Variants in TMEM132D observed in about 807,000 individuals in gnomAD.
TMEM132D encodes the protein mature OL transmembrane protein.
A neutral mutation model predicts 62.3 loss-of-function variants in TMEM132D; 21 were observed. The ratio of observed to expected loss-of-function variants is 0.34; its 90% CI spans 0.24 to 0.49. TMEM132D has a LOEUF of 0.49. Among genes scored for constraint, TMEM132D ranks in the 20% least tolerant of loss-of-function variants. The probability of loss-of-function intolerance (pLI) is 0.99; values close to 1 mark genes in which losing one functional copy is unlikely to be tolerated. For missense variants in TMEM132D, 1,346 were observed against 1,402.8 expected (o/e 0.96, Z 0.65); for synonymous variants, 621 against 575.6 (o/e 1.08, Z -1.13).
chr12:129,841,991 C>T (rs1174060143), intron 1 of TMEM132D, among the ~76,000 whole-genome samples: 3 of 146,950 alleles, frequency 2.0e-5, no homozygotes, highest in East Asian at 2.0e-4. Flanking sequence ...AGTACAGTGG[C>T]GCGATCTCGG....
chr12:129,154,189 G>A (rs1872714), intron 5 of TMEM132D, among the ~76,000 whole-genome samples: 92,350 of 151,888 alleles, frequency 0.61, 28,654 homozygotes, highest in Non-Finnish European at 0.67. Flanking sequence ...GTGAGGTGGT[G>A]CATTTGTGGG....
chr12:129,708,610 TA>T (rs147351316), intron 1 of TMEM132D, among the ~76,000 whole-genome samples: 1,099 of 33,084 alleles, frequency 0.033, 72 homozygotes, highest in African/African-American at 0.14. Context: ...GAGGCTCAGG[TA>T]AAAAAAAAAA....
At chr12:129,161,745 G>T (rs942822089) in intron 5 of TMEM132D, among the ~76,000 whole-genome samples, 3 of 152,256 alleles carry the variant, frequency 2.0e-5, no homozygotes, top group African/African-American at 7.2e-5. Flanking sequence ...ATTTTGCCAT[G>T]TCAGAATTGC....
At chr12:129,192,258 TAGA>T (rs1751634549) in intron 5 of TMEM132D, among the ~76,000 whole-genome samples, 1 of 152,196 alleles carries the variant, frequency 6.6e-6, no homozygotes, top group South Asian at 2.1e-4. Flanking sequence ...AGAATCCAAA[TAGA>T]AGTTCTCATT....
chr12:129,421,006 G>A (rs1376069759), intron 3 of TMEM132D, among the ~76,000 whole-genome samples: 3 of 144,858 alleles, frequency 2.1e-5, no homozygotes, highest in Non-Finnish European at 4.5e-5. Context: ...CTGTTACCCA[G>A]GCTGGAGTGC....
In TMEM132D at chr12:129,082,402, C is replaced by A. The variant is rs75489651; in HGVS notation, c.1650-370G>T. Among the ~76,000 whole-genome samples the A allele has an allele frequency of 6.7e-3, 1,022 of 152,308 alleles. 4 individuals carry two copies. Among genetic ancestry groups the A allele is most frequent in the African/African-American group, 0.023 (955 of 41,566 alleles). On this transcript the variant is annotated intron_variant, in intron 6 of 8. Coordinates refer to ENST00000422113, the MANE Select transcript of TMEM132D (RefSeq NM_133448.3). ...ACTTTCCTGGCTAGACTTGAAAAGC[C>A]TGTGACTTCTGTCTTGCTTGTGTTT...
At chr12:129,633,564 A>G (rs1257585283) in intron 2 of TMEM132D, among the ~76,000 whole-genome samples, 2 of 152,128 alleles carry the variant, frequency 1.3e-5, no homozygotes, top group East Asian at 3.9e-4. Context: ...CAAGGGGACC[A>G]TGATTCACAC....
At chr12:129,349,445 G>A (rs1215440334) in intron 3 of TMEM132D, among the ~76,000 whole-genome samples, 1 of 152,180 alleles carries the variant, frequency 6.6e-6, no homozygotes, top group Admixed American at 6.5e-5. Flanking sequence ...TTAATACCAG[G>A]TGCTAATCAG....
Position 129,847,569 on chromosome 12 carries a change from A to C in TMEM132D, c.79+55692T>G, listed in dbSNP as rs749677862. ...AAAATCAGCAGAGGCATCAGCTCAA[A>C]AGGCATTTCCGAATATTAGGAACAC... On this transcript the variant is annotated intron_variant, in intron 1 of 8. Transcript: ENST00000422113. 6.0e-4 allele frequency among the ~76,000 whole-genome samples: 91 copies of C among 152,124 alleles called. 1 individual carries two copies. The highest frequency in any genetic ancestry group is 1.1e-3 in the Non-Finnish European group (77 of 68,022).
intron 5 of TMEM132D, chr12:129,169,993 G>T (rs1877675823): frequency 6.6e-6 from 1 of 152,188 alleles, no homozygotes; most frequent in Non-Finnish European, 1.5e-5. Context: ...TTTAGCACCT[G>T]CAATCCTCAC....
At chr12:129,276,742 T>A (rs1286610122) in intron 4 of TMEM132D, among the ~76,000 whole-genome samples, 1 of 152,194 alleles carries the variant, frequency 6.6e-6, no homozygotes, top group African/African-American at 2.4e-5. Context: ...AATAACAGGA[T>A]CCTTGCCTCC....
chr12:129,101,413 C>T (rs115035184), intron 5 of TMEM132D, among the ~76,000 whole-genome samples: 1,915 of 152,268 alleles, frequency 0.013, 41 homozygotes, highest in African/African-American at 0.043. Context: ...TCAGTGGTCT[C>T]CAGTTACTGG....
intron 4 of TMEM132D, among the ~76,000 whole-genome samples, chr12:129,232,025 T>C (rs1229075242): frequency 6.6e-6 from 1 of 152,154 alleles, no homozygotes; most frequent in African/African-American, 2.4e-5. Flanking sequence ...TAATTCTCAC[T>C]CAGTGGTTCT....
intron 3 of TMEM132D, among the ~76,000 whole-genome samples, chr12:129,341,046 T>C (rs1869463925): frequency 6.6e-6 from 1 of 152,354 alleles, no homozygotes; most frequent in African/African-American, 2.4e-5. Flanking sequence ...TCATCACATG[T>C]ATCTTAGTGT....
chr12:129,597,649 T>C (rs571112286), intron 2 of TMEM132D, among the ~76,000 whole-genome samples: 38 of 152,286 alleles, frequency 2.5e-4, no homozygotes, highest in African/African-American at 8.7e-4. Context: ...AAGAAATCCC[T>C]TTAAAAACAA....
At position 129,073,816 on chromosome 12, in the gene TMEM132D, C is replaced by T; in HGVS notation, c.*59G>A. 7.0e-7 allele frequency: 1 copy of T among 1,427,774 alleles called. No individual in the cohort carries two copies. 88.4% of individuals were successfully genotyped at this position (1,427,774 alleles called of 1,614,324 possible). A position where few individuals can be genotyped will look rare whatever the true frequency, so the allele number is the denominator to read the frequency against. ...TTCTCTTCCGGGGGCACCGTTGCTA[C>T]ACATCCTGGAATTAAAGGCTGAAAG... On this transcript the variant is annotated 3_prime_UTR_variant, in exon 9 of 9. Transcript: ENST00000422113.
chr12:129,348,844 C>T (rs547221275), intron 3 of TMEM132D, among the ~76,000 whole-genome samples: 4 of 152,330 alleles, frequency 2.6e-5, no homozygotes, highest in East Asian at 1.9e-4. Flanking sequence ...TGACGGGGCC[C>T]GAGACCTTCC....
chr12:129,677,253 T>C (rs1360163779), intron 2 of TMEM132D, among the ~76,000 whole-genome samples: 2 of 152,158 alleles, frequency 1.3e-5, no homozygotes, highest in Non-Finnish European at 2.9e-5. Flanking sequence ...TAATAGTGAA[T>C]GAGTCTCACG....
At chr12:129,839,184 T>C (rs1308251509) in intron 1 of TMEM132D, among the ~76,000 whole-genome samples, 3 of 137,318 alleles carry the variant, frequency 2.2e-5, no homozygotes, top group Middle Eastern at 3.6e-3. Flanking sequence ...TGGGCTAGAG[T>C]ACAGTGATGC....
Sources: allele counts gnomAD v4.1 joint callset (sites outside exome capture counted in the v4.1 genomes callset), GRCh38; gene constraint gnomAD v4.1.1; transcripts MANE v1.5; gene names NCBI Gene and HGNC (gene_info 2026-07-23, HGNC 2026-07-21).